The following NUBPL variants were observed in gnomAD, a reference collection of about 807,000 sequenced individuals.
The protein encoded by NUBPL is iron-sulfur cluster transfer protein NUBPL.
NUBPL carries 31 observed loss-of-function variants against 45.7 expected under a neutral mutation model. That is an observed-to-expected ratio of 0.68 (90% confidence interval 0.51 to 0.92). The LOEUF is 0.92. Among genes scored for constraint, NUBPL ranks in the 40% least tolerant of loss-of-function variants. The pLI, the probability that NUBPL is intolerant of heterozygous loss-of-function variation, is 0.00. For missense variants in NUBPL, 401 were observed against 398.7 expected, an observed-to-expected ratio of 1.01 and a Z score of -0.05; for synonymous variants, 144 against 140.9, an observed-to-expected ratio of 1.02 and a Z score of -0.15.
At chr14:31,638,754 A>G (rs2035587164) in intron 4 of NUBPL, among the ~76,000 whole-genome samples, 1 of 152,110 alleles carries the variant, frequency 6.6e-6, no homozygotes, top group African/African-American at 2.4e-5. Context: ...GTGTTTTCAC[A>G]TAGTCCCATA....
intron 4 of NUBPL, among the ~76,000 whole-genome samples, chr14:31,627,340 C>T (rs942091803): frequency 2.0e-5 from 3 of 151,916 alleles, no homozygotes; most frequent in Non-Finnish European, 2.9e-5. Flanking sequence ...TTTATTTGCT[C>T]AGGAAAAATT....
chr14:31,725,482 T>C (rs2139960771), intron 6 of NUBPL, among the ~76,000 whole-genome samples: 2 of 152,308 alleles, frequency 1.3e-5, no homozygotes, highest in Middle Eastern at 3.4e-3. Context: ...TGAGATACCT[T>C]GAGGATGGGA....
intron 9 of NUBPL, among the ~76,000 whole-genome samples, chr14:31,848,692 GC>G (rs2040491304): frequency 6.6e-6 from 1 of 152,084 alleles, no homozygotes; most frequent in African/African-American, 2.4e-5. Flanking sequence ...ACAACAATTA[GC>G]CCATTACCAT....
At chr14:31,578,065 C>G in intron 3 of NUBPL, 1 of 1,028,460 alleles carries the variant, frequency 9.7e-7, no homozygotes, top group Non-Finnish European at 1.3e-6. Context: ...GCAGAATTCT[C>G]CAAAGTTTTG....
intron 3 of NUBPL, among the ~76,000 whole-genome samples, chr14:31,587,320 T>C (rs903583156): frequency 6.6e-6 from 1 of 152,194 alleles, no homozygotes; most frequent in African/African-American, 2.4e-5. Flanking sequence ...GCATTTGATC[T>C]GTCAGAGCTC....
At chr14:31,832,692 T>C (rs755084768) in intron 8 of NUBPL, among the ~76,000 whole-genome samples, 12 of 152,228 alleles carry the variant, frequency 7.9e-5, no homozygotes, top group Non-Finnish European at 1.5e-4. Flanking sequence ...AATTTTCTTA[T>C]AATTTTTTAG....
In NUBPL at chr14:31,826,720, C is replaced by T. The variant is rs759648066; in HGVS notation, c.693+6C>T. 4 of 1,611,816 alleles carry T rather than the reference C, an allele frequency of 2.5e-6. No homozygotes were observed. In the South Asian group the frequency reaches 3.3e-5, roughly 13 times the overall value. On this transcript the variant is annotated splice_donor_region_variant and intron_variant, in intron 8 of 10. Transcript: ENST00000281081. ...TTCGCAGAGTCCACGTGCCCGTAAG[C>T]GTTTACAGCTTCACTGTGAAAAATA...
intron 6 of NUBPL, among the ~76,000 whole-genome samples, chr14:31,767,428 T>C (rs920681396): frequency 6.6e-6 from 1 of 152,126 alleles, no homozygotes; most frequent in Admixed American, 6.6e-5. Context: ...TTAGCTAGGA[T>C]GGTCTCTGTC....
intron 7 of NUBPL, among the ~76,000 whole-genome samples, chr14:31,810,240 G>A (rs1276107484): frequency 6.6e-6 from 1 of 152,114 alleles, no homozygotes; most frequent in Non-Finnish European, 1.5e-5. Context: ...CATTATTATT[G>A]TGTGGGAGTC....
At chr14:31,568,021 C>G (rs1457737338) in intron 3 of NUBPL, among the ~76,000 whole-genome samples, 2 of 151,994 alleles carry the variant, frequency 1.3e-5, no homozygotes, top group African/African-American at 4.8e-5. Flanking sequence ...ATTTTGTTTC[C>G]TTGTCATTTC....
chr14:31,665,905 C>T (rs112482944), intron 4 of NUBPL, among the ~76,000 whole-genome samples: 13,018 of 151,916 alleles, frequency 0.086, 676 homozygotes, highest in African/African-American at 0.15. Flanking sequence ...TTTGTGAATC[C>T]GGGTGCTCCT....
intron 6 of NUBPL, among the ~76,000 whole-genome samples, chr14:31,739,753 A>G (rs912393990): frequency 2.0e-5 from 3 of 152,150 alleles, no homozygotes; most frequent in Admixed American, 6.5e-5. Flanking sequence ...GACATATATC[A>G]ACTGTAATAG....
chr14:31,719,883 C>T (rs2037771586), intron 6 of NUBPL, among the ~76,000 whole-genome samples: 1 of 151,778 alleles, frequency 6.6e-6, no homozygotes, highest in Non-Finnish European at 1.5e-5. Context: ...CTTCATTATG[C>T]CATGTCATGA....
intron 8 of NUBPL, among the ~76,000 whole-genome samples, chr14:31,831,468 TATACCATACCATACC>T (rs139348463): frequency 3.5e-5 from 5 of 143,168 alleles, no homozygotes; most frequent in African/African-American, 1.1e-4. Context: ...TATACTGTAC[TATACCATACCATACC>T]ATACCATACC....
intron 3 of NUBPL, among the ~76,000 whole-genome samples, chr14:31,598,429 C>A (rs1331314817): frequency 6.6e-6 from 1 of 152,062 alleles, no homozygotes; most frequent in South Asian, 2.1e-4. Flanking sequence ...AACTCTAAGA[C>A]ATATCGTGTT....
intron 4 of NUBPL, among the ~76,000 whole-genome samples, chr14:31,633,709 C>T (rs2035405698): frequency 1.3e-5 from 2 of 152,058 alleles, no homozygotes; most frequent in South Asian, 4.2e-4. Flanking sequence ...CTGGTTTTTC[C>T]TTATTTTGGT....
intron 4 of NUBPL, among the ~76,000 whole-genome samples, chr14:31,621,946 A>G (rs778096229): frequency 6.6e-6 from 1 of 152,200 alleles, no homozygotes; most frequent in African/African-American, 2.4e-5. Context: ...AGAAGAAGAT[A>G]GGAAGATATG....
intron 6 of NUBPL, among the ~76,000 whole-genome samples, chr14:31,686,058 A>C (rs2036946344): frequency 6.6e-6 from 1 of 152,240 alleles, no homozygotes; most frequent in African/African-American, 2.4e-5. Flanking sequence ...GAATTAAAAA[A>C]AAGAGAGATG....
intron 10 of NUBPL, among the ~76,000 whole-genome samples, chr14:31,850,675 C>T (rs2040524643): frequency 6.6e-6 from 1 of 151,946 alleles, no homozygotes; most frequent in African/African-American, 2.4e-5. Flanking sequence ...GGCTGGAGTA[C>T]AATTGTGCGA....
Sources: allele counts gnomAD v4.1 joint callset (sites outside exome capture counted in the v4.1 genomes callset), GRCh38; gene constraint gnomAD v4.1.1; transcripts MANE v1.5; gene names NCBI Gene and HGNC (gene_info 2026-07-23, HGNC 2026-07-21).